Variants in NBEA observed in about 807,000 individuals in gnomAD.
NBEA encodes the protein lysosomal-trafficking regulator 2.
A neutral mutation model predicts 343.4 loss-of-function variants in NBEA; 44 were observed. The ratio of observed to expected loss-of-function variants is 0.13; its 90% confidence interval spans 0.10 to 0.16. The LOEUF (loss-of-function observed/expected upper bound fraction) is 0.16, where lower values mean the gene tolerates loss of function less well. NBEA is among the 10% of genes least tolerant of loss of function. The pLI is 1.00. For synonymous variants in NBEA, 1,175 were observed against 1,238.7 expected, an observed-to-expected ratio of 0.95 and a Z score of 1.08; for missense variants, 2,555 against 3,631.3, an observed-to-expected ratio of 0.70 and a Z score of 7.62.
chr13:35,153,598 C>T lies in NBEA; in HGVS notation c.2446-2176C>T, dbSNP rs551390491. ...TGTTATAGTTTTCAAAGCACTTTCA[C>T]ATATGGAGCTTTATTTAATCTTCCT... On this transcript the variant is annotated intron_variant, in intron 18 of 58. Transcript: ENST00000379939. Among the ~76,000 whole-genome samples, 12 of 152,304 alleles carry T rather than the reference C, an allele frequency of 7.9e-5. No individual in the cohort carries two copies. The East Asian group carries it at 2.3e-3, about 29-fold the overall frequency.
At chr13:35,413,305 G>A (rs1219911236) in intron 38 of NBEA, among the ~76,000 whole-genome samples, 1 of 152,122 alleles carries the variant, frequency 6.6e-6, no homozygotes, top group Non-Finnish European at 1.5e-5. Flanking sequence ...TGACCTCAAT[G>A]ATTACCACTT....
At chr13:35,237,562 A>G (rs1410541253) in intron 34 of NBEA, among the ~76,000 whole-genome samples, 1 of 152,206 alleles carries the variant, frequency 6.6e-6, no homozygotes, top group Non-Finnish European at 1.5e-5. Flanking sequence ...TGATAAAAAC[A>G]TATTTACCCT....
At chr13:35,636,370 A>C (rs1311638254) in intron 49 of NBEA, among the ~76,000 whole-genome samples, 2 of 152,176 alleles carry the variant, frequency 1.3e-5, no homozygotes, top group Admixed American at 6.5e-5. Context: ...AAAATCAAGA[A>C]TATTTTGTTC....
At chr13:35,184,171 A>G in intron 30 of NBEA, 100 bp downstream of exon 30, 1 of 797,078 alleles carries the variant, frequency 1.3e-6, no homozygotes, top group African/African-American at 1.8e-5. Flanking sequence ...ATAAGTATAT[A>G]CCTCAGGTTT....
At chr13:35,024,682 A>C (rs903325750) in intron 1 of NBEA, among the ~76,000 whole-genome samples, 4 of 152,168 alleles carry the variant, frequency 2.6e-5, no homozygotes, top group African/African-American at 9.7e-5. Context: ...TCTGTCTCAA[A>C]ATAAATAAAA....
intron 1 of NBEA, among the ~76,000 whole-genome samples, chr13:35,001,450 G>A (rs2061136837): frequency 6.6e-6 from 1 of 152,122 alleles, no homozygotes; most frequent in Non-Finnish European, 1.5e-5. Flanking sequence ...AATGGATAAA[G>A]AAAATATGGT....
In NBEA at chr13:35,320,995, C is replaced by A. The variant is rs1292611427; in HGVS notation, c.5903+11403C>A. Among the ~76,000 whole-genome samples the A allele has an allele frequency of 2.6e-5, 4 of 152,022 alleles. No homozygotes were observed. The South Asian group carries it at 8.3e-4, about 32-fold the overall frequency. On this transcript the variant is annotated intron_variant, in intron 36 of 58. Transcript: ENST00000379939. ...TTATTCTAGTTAGCAATTCCTCCAA[C>A]GTTTTTTTCGAGATTCTTAGCTTCC...
At chr13:35,643,269 G>A (rs1016953869) in intron 49 of NBEA, among the ~76,000 whole-genome samples, 1 of 152,000 alleles carries the variant, frequency 6.6e-6, no homozygotes, top group Non-Finnish European at 1.5e-5. Context: ...TCACTCGTCT[G>A]GGCTCCCAGG....
At chr13:35,171,117 C>T in intron 25 of NBEA, 155 bp from the exon 26 acceptor site, 1 of 789,966 alleles carries the variant, frequency 1.3e-6, no homozygotes, top group Non-Finnish European at 2.2e-6. Context: ...TGGTAACCAG[C>T]TCTGGTGATA....
intron 38 of NBEA, among the ~76,000 whole-genome samples, chr13:35,404,304 G>A (rs1477061989): frequency 8.6e-5 from 13 of 151,774 alleles, no homozygotes; most frequent in Non-Finnish European, 1.8e-4. Context: ...ACATGCACAC[G>A]TATGTTTATT....
chr13:35,585,871 A>T (rs1031359425), intron 46 of NBEA, among the ~76,000 whole-genome samples: 1 of 152,064 alleles, frequency 6.6e-6, no homozygotes, highest in African/African-American at 2.4e-5. Context: ...CCAACTAAAT[A>T]TCTCTATCTC....
chr13:35,319,970 T>C lies in NBEA; in HGVS notation c.5903+10378T>C, dbSNP rs184396242. ...GGTAAATAATCCCCCATCCCTTTATTTTGAGTCTATATGTGACTTTGCACG... is the reference window on the plus strand; with the variant it reads ...GGTAAATAATCCCCCATCCCTTTATCTTGAGTCTATATGTGACTTTGCACG... On this transcript the variant is annotated intron_variant, in intron 36 of 58. Coordinates refer to ENST00000379939, the MANE Select transcript of NBEA (RefSeq NM_001385012.1). Among the ~76,000 whole-genome samples, 95 of 152,270 alleles carry C rather than the reference T, an allele frequency of 6.2e-4. 1 individual carries two copies. The highest frequency in any genetic ancestry group is 5.9e-3 in the Admixed American group (90 of 15,278).
intron 41 of NBEA, among the ~76,000 whole-genome samples, chr13:35,493,693 T>C (rs1411398084): frequency 1.3e-5 from 2 of 151,980 alleles, no homozygotes; most frequent in African/African-American, 4.8e-5. Flanking sequence ...GAATAGAATA[T>C]ACAATCTTTA....
intron 1 of NBEA, among the ~76,000 whole-genome samples, chr13:35,033,130 G>A (rs1033527106): frequency 6.6e-6 from 1 of 151,632 alleles, no homozygotes; most frequent in East Asian, 1.9e-4. Flanking sequence ...GTAGTTTCAT[G>A]GTTTAAGGTC....
intron 31 of NBEA, among the ~76,000 whole-genome samples, chr13:35,198,640 AT>A (rs1593711829): frequency 6.6e-6 from 1 of 152,178 alleles, no homozygotes; most frequent in East Asian, 1.9e-4. Context: ...ATAAGTACAA[AT>A]GAAATGGAAG....
intron 31 of NBEA, among the ~76,000 whole-genome samples, chr13:35,206,341 T>C (rs1168269381): frequency 1.3e-5 from 2 of 152,106 alleles, no homozygotes; most frequent in Non-Finnish European, 2.9e-5. Flanking sequence ...CATAGCACTG[T>C]TAATTAGCTC....
At chr13:35,319,559 T>C (rs566676568) in intron 36 of NBEA, among the ~76,000 whole-genome samples, 10 of 152,278 alleles carry the variant, frequency 6.6e-5, no homozygotes, top group Non-Finnish European at 1.0e-4. Flanking sequence ...CTGAGAAAAA[T>C]ATATATTCTA....
chr13:35,137,018 G>A (rs2067770220), intron 17 of NBEA, among the ~76,000 whole-genome samples: 1 of 152,222 alleles, frequency 6.6e-6, no homozygotes, highest in African/African-American at 2.4e-5. Flanking sequence ...GACATAAAGT[G>A]TGAGGATGGT....
intron 10 of NBEA, among the ~76,000 whole-genome samples, chr13:35,078,759 G>A (rs1005409687): frequency 6.6e-6 from 1 of 152,138 alleles, no homozygotes; most frequent in South Asian, 2.1e-4. Flanking sequence ...GAAGACTTGA[G>A]GCAAGCCGAC....
Sources: allele counts gnomAD v4.1 joint callset (sites outside exome capture counted in the v4.1 genomes callset), GRCh38; gene constraint gnomAD v4.1.1; transcripts MANE v1.5; gene names NCBI Gene and HGNC (gene_info 2026-07-23, HGNC 2026-07-21).